Variants in MKLN1 observed in about 807,000 individuals in gnomAD.
MKLN1 encodes muskelin 1.
In MKLN1, 18 loss-of-function variants were observed where a neutral mutation model predicts 99.0. That is an observed-to-expected ratio of 0.18 (90% confidence interval 0.13 to 0.27). The LOEUF (loss-of-function observed/expected upper bound fraction) is 0.27. Ranked by LOEUF, MKLN1 falls within the 10% of genes least tolerant of loss-of-function variation. The pLI, the probability that MKLN1 is intolerant of heterozygous loss-of-function variation, is 1.00. For synonymous variants in MKLN1, 288 were observed against 293.2 expected (o/e 0.98, Z 0.18); for missense variants, 621 against 875.9 (o/e 0.71, Z 3.67).
chr7:131,490,952 A>T lies in MKLN1; in HGVS notation c.*3224A>T, dbSNP rs1355661961. ...AGTGAGAGATTGAGAATGATGCTTA[A>T]TGGATCAAAAAAGCAATTAGGAGTA... On this transcript the variant is annotated 3_prime_UTR_variant, in exon 18 of 18. Transcript: ENST00000352689. 6.6e-6 allele frequency: 1 copy of T among 152,502 alleles called. No individual in the cohort carries two copies. Among genetic ancestry groups the T allele is most frequent in the Non-Finnish European group, 1.5e-5 (1 of 68,014 alleles). 9.4% of individuals were successfully genotyped at this position (152,502 alleles called of 1,614,324 possible).
intron 3 of MKLN1, among the ~76,000 whole-genome samples, chr7:131,307,951 C>T (rs1798492964): frequency 6.6e-6 from 1 of 152,116 alleles, no homozygotes; most frequent in South Asian, 2.1e-4. Context: ...GCCCTGTGCC[C>T]CCACCCAAAT....
chr7:131,387,023 A>C (rs1178089629), intron 2 of MKLN1, 97 bp from the exon 3 acceptor site: 3 of 1,132,502 alleles, frequency 2.6e-6, no homozygotes, highest in Non-Finnish European at 3.7e-6. Context: ...ACAAGGATGG[A>C]CCTTATACAT....
In MKLN1 at chr7:131,111,807, G is replaced by A. The variant is rs150080348; in HGVS notation, c.-419+1600G>A. Among the ~76,000 whole-genome samples the A allele has an allele frequency of 7.8e-3, 1,185 of 152,158 alleles. 19 individuals are homozygous for A. The highest frequency in any genetic ancestry group is 0.027 in the African/African-American group (1,101 of 41,476). Reference sequence around the variant, plus strand: ...ATAAATAAATAAATAAATACATGTCGAAGCTGGGGAAATCATTTAGACTAA... The same window carrying A: ...ATAAATAAATAAATAAATACATGTCAAAGCTGGGGAAATCATTTAGACTAA... On this transcript the variant is annotated intron_variant, in intron 1 of 7. Coordinates refer to the MKLN1 transcript ENST00000416992.
At chr7:131,192,293 CAATATATAAATATATAAAAT>C (rs1796573267) in intron 2 of MKLN1, among the ~76,000 whole-genome samples, 1 of 55,808 alleles carries the variant, frequency 1.8e-5, no homozygotes, top group East Asian at 4.4e-4. Flanking sequence ...ATAATATATA[CAATATATAAATATATAAAAT>C]ATAATATATA....
At chr7:131,366,073 C>A (rs1800173154) in intron 1 of MKLN1, among the ~76,000 whole-genome samples, 1 of 152,170 alleles carries the variant, frequency 6.6e-6, no homozygotes. Flanking sequence ...TGCAATTCAA[C>A]TCCCCTGATT....
At chr7:131,167,589 C>A (rs750120996) in intron 2 of MKLN1, among the ~76,000 whole-genome samples, 3 of 151,020 alleles carry the variant, frequency 2.0e-5, no homozygotes, top group Non-Finnish European at 4.4e-5. Flanking sequence ...AGAGGATCAC[C>A]TGAGCCTGGG....
chr7:131,227,682 C>G (rs752061304), intron 3 of MKLN1, among the ~76,000 whole-genome samples: 10 of 151,834 alleles, frequency 6.6e-5, no homozygotes, highest in Non-Finnish European at 1.3e-4. Flanking sequence ...TCTCCTGCCT[C>G]AGCCTCTGGA....
intron 17 of MKLN1, among the ~76,000 whole-genome samples, chr7:131,486,347 C>T (rs1002042158): frequency 2.6e-5 from 4 of 151,894 alleles, no homozygotes; most frequent in Non-Finnish European, 4.4e-5. Flanking sequence ...TCTTTCCATT[C>T]ATTTCCATGA....
intron 12 of MKLN1, among the ~76,000 whole-genome samples, chr7:131,461,118 A>G (rs553419288): frequency 2.0e-5 from 3 of 152,144 alleles, no homozygotes; most frequent in South Asian, 4.1e-4. Flanking sequence ...ATTCCCTCCT[A>G]TACTTTAAGT....
chr7:131,400,067 T>A (rs1024181862), intron 6 of MKLN1, among the ~76,000 whole-genome samples: 8 of 152,068 alleles, frequency 5.3e-5, no homozygotes, highest in African/African-American at 7.2e-5. Context: ...CTTTTTTTTT[T>A]AATCTTCCTC....
chr7:131,183,581 G>A (rs1489434864), intron 2 of MKLN1, among the ~76,000 whole-genome samples: 2 of 152,184 alleles, frequency 1.3e-5, no homozygotes, highest in Admixed American at 1.3e-4. Flanking sequence ...TAAACCGTAT[G>A]AAACAGGCTA....
At chr7:131,425,939 G>C (rs1011753073) in intron 8 of MKLN1, among the ~76,000 whole-genome samples, 14 of 151,872 alleles carry the variant, frequency 9.2e-5, no homozygotes, top group Non-Finnish European at 2.1e-4. Flanking sequence ...GTTCTTCTTT[G>C]CATGACTTAA....
intron 1 of MKLN1, among the ~76,000 whole-genome samples, chr7:131,344,057 T>G (rs1001404311): frequency 2.0e-5 from 3 of 152,198 alleles, no homozygotes; most frequent in Non-Finnish European, 4.4e-5. Context: ...ACGGTTTGAT[T>G]CAATTTATAT....
intron 10 of MKLN1, among the ~76,000 whole-genome samples, chr7:131,439,837 A>G (rs1245097279): frequency 6.6e-6 from 1 of 150,474 alleles, no homozygotes; most frequent in East Asian, 1.9e-4. Flanking sequence ...GTTTTCCAGG[A>G]ATAATGGTAA....
chr7:131,443,711 A>G lies in MKLN1; in HGVS notation c.1395+9A>G, dbSNP rs1332655932. 6.5e-7 allele frequency: 1 copy of G among 1,545,132 alleles called. No individual in the cohort carries two copies. Among genetic ancestry groups the G allele is most frequent in the African/African-American group, 1.4e-5 (1 of 73,380 alleles). On this transcript the variant is annotated intron_variant, in intron 11 of 17. Coordinates refer to ENST00000352689, the MANE Select transcript of MKLN1 (RefSeq NM_013255.5). ...GCATGTTATTCCACTCAGTAAGAAC[A>G]TTCCGTACATTGCGTAAATGTTATT...
intron 12 of MKLN1, among the ~76,000 whole-genome samples, chr7:131,462,960 A>G (rs1194713108): frequency 6.6e-6 from 1 of 152,100 alleles, no homozygotes; most frequent in East Asian, 1.9e-4. Context: ...CATCTCTACA[A>G]AAAATAAAAA....
intron 1 of MKLN1, among the ~76,000 whole-genome samples, chr7:131,353,690 A>C (rs1393874919): frequency 6.6e-6 from 1 of 151,938 alleles, no homozygotes; most frequent in Non-Finnish European, 1.5e-5. Flanking sequence ...CTCCTTGCCT[A>C]GTCCTAGACC....
rs555177100 is a variant in MKLN1 at position 131,383,477 on chromosome 7, A to G, written c.169-3643A>G. Among the ~76,000 whole-genome samples, 4 of 152,312 alleles carry G rather than the reference A, an allele frequency of 2.6e-5. No homozygotes were observed. In the South Asian group the frequency reaches 8.3e-4, roughly 32 times the overall value. ...GCCAATCCATCAGCTTAATACAACT[A>G]CATGAATGAATCCAGCAGCTACCAA... On this transcript the variant is annotated intron_variant, in intron 2 of 17. Coordinates refer to ENST00000352689, the MANE Select transcript of MKLN1 (RefSeq NM_013255.5).
At chr7:131,125,733 G>A (rs188782013) in intron 1 of MKLN1, among the ~76,000 whole-genome samples, 41 of 152,128 alleles carry the variant, frequency 2.7e-4, no homozygotes, top group African/African-American at 6.7e-4. Flanking sequence ...AGCCTGGCAC[G>A]GTGGCTCACG....
Sources: gnomAD v4.1 joint callset for allele counts (sites outside exome capture counted in the v4.1 genomes callset) on GRCh38, gnomAD v4.1.1 for gene constraint, MANE v1.5 for transcripts, NCBI Gene and HGNC (gene_info 2026-07-23, HGNC 2026-07-21) for gene names.